The following DENND1A variants were observed in gnomAD, a reference collection of about 807,000 sequenced individuals.
DENND1A encodes the protein DENN domain-containing protein 1A.
In DENND1A, 51 loss-of-function variants were observed where a neutral mutation model predicts 113.7. That is an observed-to-expected ratio of 0.45 (90% CI 0.36 to 0.57). The LOEUF (loss-of-function observed/expected upper bound fraction) is 0.57, where lower values mean the gene tolerates loss of function less well. Among genes scored for constraint, DENND1A ranks in the 20% least tolerant of loss-of-function variants. DENND1A has a pLI of 0.00. For missense variants in DENND1A, 1,258 were observed against 1,395.9 expected (o/e 0.90, Z 1.57); for synonymous variants, 565 against 570.8 (o/e 0.99, Z 0.14).
intron 5 of DENND1A, among the ~76,000 whole-genome samples, chr9:123,742,852 A>C (rs998795201): frequency 8.5e-5 from 13 of 152,230 alleles, no homozygotes; most frequent in African/African-American, 3.1e-4. Context: ...ACAGATGCTA[A>C]ATATCCCACT....
intron 2 of DENND1A, among the ~76,000 whole-genome samples, chr9:123,850,405 C>A (rs1474285157): frequency 1.3e-5 from 2 of 152,172 alleles, no homozygotes; most frequent in African/African-American, 2.4e-5. Flanking sequence ...ATGATATGTA[C>A]CTTTTTAAAC....
intron 13 of DENND1A, among the ~76,000 whole-genome samples, chr9:123,536,466 C>CAAA (rs549789129): frequency 1.1e-4 from 10 of 91,758 alleles, no homozygotes; most frequent in African/African-American, 3.4e-4. Context: ...ACTCTGTCTC[C>CAAA]AAAAAAAAAA....
intron 5 of DENND1A, among the ~76,000 whole-genome samples, chr9:123,681,241 C>T (rs1469761854): frequency 2.8e-5 from 4 of 145,008 alleles, no homozygotes; most frequent in African/African-American, 1.0e-4. Flanking sequence ...TATTAGAACC[C>T]AGAAGAGTAC....
At chr9:123,838,977 C>T (rs7863739) in intron 2 of DENND1A, among the ~76,000 whole-genome samples, 17,061 of 152,208 alleles carry the variant, frequency 0.11, 1,068 homozygotes, top group Admixed American at 0.13. Flanking sequence ...TGGGCAAGAG[C>T]CATATCTTTT....
Position 123,811,164 on chromosome 9 carries a change from C to A in DENND1A, c.89-18534G>T, listed in dbSNP as rs529149503. Reference sequence around the variant, plus strand: ...ACAGCCTCCAAAGTTGAACACATTTCTCAAAATGATGGAATGCCAGATCCA... The same window carrying A: ...ACAGCCTCCAAAGTTGAACACATTTATCAAAATGATGGAATGCCAGATCCA... On this transcript the variant is annotated intron_variant, in intron 2 of 23. Transcript: ENST00000394215. Among the ~76,000 whole-genome samples the A allele has an allele frequency of 2.6e-4, 39 of 152,160 alleles. 1 individual carries two copies. The highest frequency in any genetic ancestry group is 1.4e-3 in the Admixed American group (22 of 15,276).
intron 21 of DENND1A, among the ~76,000 whole-genome samples, chr9:123,390,867 C>T (rs918904148): frequency 6.6e-6 from 1 of 152,244 alleles, no homozygotes; most frequent in Non-Finnish European, 1.5e-5. Context: ...GTTGCCTTTC[C>T]GACACCTATC....
Position 123,508,461 on chromosome 9 carries a change from G to A in DENND1A, c.993+49109C>T, listed in dbSNP as rs150928214. Among the ~76,000 whole-genome samples, 1,207 of 152,286 alleles carry A rather than the reference G, an allele frequency of 7.9e-3. 19 individuals carry two copies. The highest frequency in any genetic ancestry group is 0.027 in the African/African-American group (1,121 of 41,544). On this transcript the variant is annotated intron_variant, in intron 13 of 23. Coordinates refer to ENST00000394215, the MANE Select transcript of DENND1A (RefSeq NM_001352964.2). ...TGTTCTAGAAACTGTAATAAAATGAGCTGTTTCTGCAACTTCACAGCAGGT... is the reference window on the plus strand; with the variant it reads ...TGTTCTAGAAACTGTAATAAAATGAACTGTTTCTGCAACTTCACAGCAGGT...
At chr9:123,744,770 C>CTT (rs57945475) in intron 5 of DENND1A, among the ~76,000 whole-genome samples, 3,539 of 102,578 alleles carry the variant, frequency 0.035, 234 homozygotes, top group African/African-American at 0.11. Context: ...TATATTAGCT[C>CTT]TTTTTTTTTT....
chr9:123,711,118 G>A (rs116492977), intron 5 of DENND1A, among the ~76,000 whole-genome samples: 2,583 of 152,080 alleles, frequency 0.017, 67 homozygotes, highest in African/African-American at 0.058. Context: ...ATATATACAT[G>A]TATCAAAACC....
intron 13 of DENND1A, among the ~76,000 whole-genome samples, chr9:123,550,453 C>T (rs1353822232): frequency 3.3e-5 from 5 of 152,236 alleles, no homozygotes; most frequent in Non-Finnish European, 5.9e-5. Flanking sequence ...GAGGACGCGT[C>T]TTCAAACACC....
chr9:123,877,975 A>C (rs2133541027), intron 2 of DENND1A, among the ~76,000 whole-genome samples: 1 of 152,284 alleles, frequency 6.6e-6, no homozygotes, highest in South Asian at 2.1e-4. Flanking sequence ...TGTACCTTTC[A>C]GATTTTGTTC....
At chr9:123,756,755 G>A (rs2070588780) in intron 5 of DENND1A, among the ~76,000 whole-genome samples, 3 of 152,158 alleles carry the variant, frequency 2.0e-5, no homozygotes, top group African/African-American at 4.8e-5. Flanking sequence ...AGAAGTCAGT[G>A]GGGGAGTCTT....
intron 19 of DENND1A, among the ~76,000 whole-genome samples, chr9:123,421,631 C>T (rs982017564): frequency 1.3e-5 from 2 of 152,228 alleles, no homozygotes; most frequent in African/African-American, 2.4e-5. Flanking sequence ...CCAGGGCCAG[C>T]TCAGCAAAAC....
chr9:123,411,753 G>A, intron 20 of DENND1A, 23 bp downstream of exon 20: 4 of 985,902 alleles, frequency 4.1e-6, no homozygotes, highest in Non-Finnish European at 4.8e-6. Context: ...TAGGTGGGGA[G>A]GGCAGAACCA....
At chr9:123,729,021 G>A (rs1334809031) in intron 5 of DENND1A, among the ~76,000 whole-genome samples, 1 of 152,116 alleles carries the variant, frequency 6.6e-6, no homozygotes, top group Non-Finnish European at 1.5e-5. Context: ...AAATCCACAT[G>A]ATTATCTTAA....
intron 3 of DENND1A, among the ~76,000 whole-genome samples, chr9:123,791,001 T>A (rs1266476776): frequency 6.6e-6 from 1 of 152,192 alleles, no homozygotes; most frequent in Non-Finnish European, 1.5e-5. Flanking sequence ...GTCATGAACA[T>A]ATTACCCATG....
At chr9:123,465,098 T>C (rs1181204946) in intron 13 of DENND1A, among the ~76,000 whole-genome samples, 2 of 151,264 alleles carry the variant, frequency 1.3e-5, no homozygotes, top group Non-Finnish European at 2.9e-5. Context: ...GGAGAATCGC[T>C]TGAACCCGGG....
chr9:123,712,586 C>T (rs2140972581), intron 5 of DENND1A, among the ~76,000 whole-genome samples: 1 of 152,284 alleles, frequency 6.6e-6, no homozygotes, highest in Admixed American at 6.5e-5. Context: ...TAGTTGTTAC[C>T]ACCACCATGA....
intron 5 of DENND1A, among the ~76,000 whole-genome samples, chr9:123,678,369 C>G (rs374631632): frequency 6.6e-6 from 1 of 152,218 alleles, no homozygotes; most frequent in Non-Finnish European, 1.5e-5. Flanking sequence ...AGTTTTGCCA[C>G]TTACTTTCAA....
Sources: allele counts gnomAD v4.1 joint callset (sites outside exome capture counted in the v4.1 genomes callset), GRCh38; gene constraint gnomAD v4.1.1; transcripts MANE v1.5; gene names NCBI Gene and HGNC (gene_info 2026-07-23, HGNC 2026-07-21).